Variants in RRN3 observed in about 807,000 individuals in gnomAD.
RRN3 encodes RNA polymerase I transcription factor RRN3.
In RRN3, 38 loss-of-function variants were observed where a neutral mutation model predicts 82.3. That is an observed-to-expected ratio of 0.46 (90% confidence interval 0.36 to 0.61). The LOEUF is 0.61. Ranked by LOEUF, RRN3 falls within the 20% of genes least tolerant of loss-of-function variation. The pLI is 0.00. For missense variants in RRN3, 726 were observed against 793.1 expected, an observed-to-expected ratio of 0.92 and a Z score of 1.02; for synonymous variants, 284 against 284.3, an observed-to-expected ratio of 1.00 and a Z score of 0.01.
At chr16:15,083,682 G>A in intron 7 of RRN3, 100 bp from the exon 8 acceptor site, 13 of 1,525,284 alleles carry the variant, frequency 8.5e-6, no homozygotes, top group Non-Finnish European at 1.2e-5. Context: ...GATAGACATA[G>A]GAGGCAAACA....
At chr16:15,078,715 G>A (rs902377801) in intron 9 of RRN3, among the ~76,000 whole-genome samples, 1 of 151,692 alleles carries the variant, frequency 6.6e-6, no homozygotes, top group Non-Finnish European at 1.5e-5. Context: ...CTGCAGCCAC[G>A]ACTGCCTGTG....
intron 9 of RRN3, among the ~76,000 whole-genome samples, chr16:15,079,709 C>G (rs1444320170): frequency 6.6e-6 from 1 of 152,116 alleles, no homozygotes; most frequent in African/African-American, 2.4e-5. Flanking sequence ...TCTCCCACCT[C>G]AGCCTCCTGA....
At position 15,061,918 on chromosome 16, in the gene RRN3, C is replaced by G. The variant is rs1359603887; in HGVS notation, c.1795-13G>C. On this transcript the variant is annotated splice_polypyrimidine_tract_variant and intron_variant, in intron 17 of 17. Coordinates refer to ENST00000198767, the MANE Select transcript of RRN3 (RefSeq NM_018427.5). The stretch of plus-strand genomic sequence containing the variant: ...CTTCCACTATGTCCTGCAGAAACAT[C>G]AGAAATCATCAGTAACATCACCAGT... The G allele has an allele frequency of 1.2e-6, 2 of 1,601,526 alleles. No individual in the cohort carries two copies. Among genetic ancestry groups the G allele is most frequent in the African/African-American group, 1.3e-5 (1 of 74,792 alleles).
chr16:15,082,366 C>A (rs1597966594), intron 8 of RRN3, among the ~76,000 whole-genome samples: 1 of 152,038 alleles, frequency 6.6e-6, no homozygotes, highest in African/African-American at 2.4e-5. Context: ...TTTATTAATT[C>A]ATTTTCAGGT....
intron 6 of RRN3, 80 bp from the exon 7 acceptor site, chr16:15,084,785 G>T: frequency 5.0e-6 from 5 of 1,007,230 alleles, no homozygotes; most frequent in Non-Finnish European, 7.9e-6. Context: ...ATAAATGCTG[G>T]CTGGGCACAG....
At chr16:15,062,172 G>C (rs1271228255) in intron 17 of RRN3, among the ~76,000 whole-genome samples, 1 of 152,084 alleles carries the variant, frequency 6.6e-6, no homozygotes, top group East Asian at 1.9e-4. Flanking sequence ...CAGAACAAAA[G>C]CTCCCTCTGA....
Position 15,070,155 on chromosome 16 carries a change from ATG to A in RRN3, c.1357_1358del (p.His453TrpfsTer17), listed in dbSNP as rs1489144418. 6.2e-7 allele frequency: 1 copy of A among 1,609,410 alleles called. No individual in the cohort carries two copies. Among genetic ancestry groups the A allele is most frequent in the African/African-American group, 1.3e-5 (1 of 74,444 alleles). The part of the protein sequence containing the change: ...GTKAFCDVAL[H>X]GPFYSACQAV... ...CTTGGCAGGCTGAGTAAAATGGTCCATGGAGAGCAACATCGCAGAATGCCTTT... is the reference window on the plus strand; with the variant it reads ...CTTGGCAGGCTGAGTAAAATGGTCCAGAGAGCAACATCGCAGAATGCCTTT... On this transcript the variant is annotated frameshift_variant, in exon 14 of 18. Transcript: ENST00000198767. LOFTEE classifies it high-confidence loss of function.
intron 3 of RRN3, among the ~76,000 whole-genome samples, chr16:15,089,258 T>C (rs1322916065): frequency 6.6e-6 from 1 of 151,882 alleles, no homozygotes; most frequent in Non-Finnish European, 1.5e-5. Flanking sequence ...CCCACTACAC[T>C]ACAGCCTAGG....
At chr16:15,087,639 T>C (rs1336827837) in intron 3 of RRN3, among the ~76,000 whole-genome samples, 1 of 152,176 alleles carries the variant, frequency 6.6e-6, no homozygotes, top group Non-Finnish European at 1.5e-5. Flanking sequence ...AACTCATTTG[T>C]ACTATGGTAA....
intron 10 of RRN3, among the ~76,000 whole-genome samples, chr16:15,075,292 C>T (rs1204947918): frequency 6.6e-6 from 1 of 150,602 alleles, no homozygotes; most frequent in Non-Finnish European, 1.5e-5. Context: ...AAGAAATGGA[C>T]CACGCACAGT....
chr16:15,083,256 G>A (rs1412413374), intron 8 of RRN3, among the ~76,000 whole-genome samples: 2 of 152,094 alleles, frequency 1.3e-5, no homozygotes, highest in African/African-American at 4.8e-5. Flanking sequence ...AAAATTAGCT[G>A]GGCATGGTGG....
chr16:15,094,123 A>G (rs1197088784), intron 1 of RRN3, 22 bp downstream of exon 1: 2 of 1,579,700 alleles, frequency 1.3e-6, no homozygotes, highest in Non-Finnish European at 1.7e-6. Flanking sequence ...AGATACGCAG[A>G]AGGAAGCGGC....
Position 15,084,715 on chromosome 16 carries a change from G to A in RRN3, c.533-10C>T. ...AAATTTGCAGGAAGATCTGAAAGGA[G>A]AAAAGTTCAGAGTATGAGCATCAAA... On this transcript the variant is annotated splice_polypyrimidine_tract_variant and intron_variant, in intron 6 of 17. Transcript: ENST00000198767. The A allele has an allele frequency of 1.2e-6, 2 of 1,607,978 alleles. No homozygotes were observed. Among genetic ancestry groups the A allele is most frequent in the Non-Finnish European group, 1.7e-6 (2 of 1,174,566 alleles).
intron 9 of RRN3, among the ~76,000 whole-genome samples, chr16:15,077,595 T>A (rs951951960): frequency 2.0e-5 from 3 of 152,106 alleles, no homozygotes; most frequent in Admixed American, 6.5e-5. Context: ...TAATCCGAGC[T>A]CTTTGGGAGG....
chr16:15,082,839 C>G (rs2045762362), intron 8 of RRN3, among the ~76,000 whole-genome samples: 1 of 152,064 alleles, frequency 6.6e-6, no homozygotes, highest in Non-Finnish European at 1.5e-5. Flanking sequence ...AAAACTTAAG[C>G]AGAATTCTTC....
intron 2 of RRN3, among the ~76,000 whole-genome samples, chr16:15,091,815 A>G (rs2046140097): frequency 6.6e-6 from 1 of 152,150 alleles, no homozygotes. Flanking sequence ...ACTACCACAA[A>G]AACAAAAATC....
At chr16:15,067,933 A>AT (rs949293540) in intron 15 of RRN3, among the ~76,000 whole-genome samples, 4 of 151,520 alleles carry the variant, frequency 2.6e-5, no homozygotes, top group Non-Finnish European at 5.9e-5. Context: ...AATTTTTAAA[A>AT]TTTTTTTGTA....
rs1202598684 is a variant in RRN3 at position 15,074,155 on chromosome 16, G to A, written c.997+568C>T. On this transcript the variant is annotated intron_variant, in intron 11 of 17. Transcript: ENST00000198767. Reference sequence around the variant, plus strand: ...AGTTTCCAAATTCTCTAATCAACATGTATTATTTTTATAACAGCAAGACCG... The same window carrying A: ...AGTTTCCAAATTCTCTAATCAACATATATTATTTTTATAACAGCAAGACCG... Among the ~76,000 whole-genome samples, 3 of 152,140 alleles carry A rather than the reference G, an allele frequency of 2.0e-5. No individual in the cohort carries two copies. In the South Asian group the frequency reaches 6.2e-4, roughly 32 times the overall value.
Position 15,061,867 on chromosome 16 carries a change from G to C in RRN3, c.1833C>G (p.Gly611=). Residue 611 remains glycine (G), a synonymous_variant, in exon 18 of 18, where the codon GGC becomes GGG. Coordinates refer to ENST00000198767, the MANE Select transcript of RRN3 (RefSeq NM_018427.5). ...TCACGGTATCATTCTGGGGCACTTC[G>C]CCTTTCAGAAAGTCATCATCTTCAT... ...VEDEDDDFLK[G]EVPQNDTVIG... is the part of the protein sequence containing the mutation. 6.2e-7 allele frequency: 1 copy of C among 1,613,410 alleles called. No homozygotes were observed. Among genetic ancestry groups the C allele is most frequent in the Non-Finnish European group, 8.5e-7 (1 of 1,179,350 alleles).
Sources: allele counts gnomAD v4.1 joint callset (sites outside exome capture counted in the v4.1 genomes callset), GRCh38; gene constraint gnomAD v4.1.1; transcripts MANE v1.5; gene names NCBI Gene and HGNC (gene_info 2026-07-23, HGNC 2026-07-21).